Variants in RBM33 observed in about 807,000 individuals in gnomAD.
The protein encoded by RBM33 is RNA-binding protein 33.
A neutral mutation model predicts 132.6 loss-of-function variants in RBM33; 28 were observed. The ratio of observed to expected loss-of-function variants is 0.21; its 90% CI spans 0.16 to 0.29. The LOEUF (loss-of-function observed/expected upper bound fraction) is 0.29. Ranked by LOEUF, RBM33 falls within the 10% of genes least tolerant of loss-of-function variation. The probability of loss-of-function intolerance (pLI) is 1.00; values close to 1 mark genes in which losing one functional copy is unlikely to be tolerated. For missense variants in RBM33, 1,291 were observed against 1,518.5 expected (o/e 0.85, Z 2.49); for synonymous variants, 634 against 593.0 (o/e 1.07, Z -1.01).
At chr7:155,758,747 A>C (rs747231865) in intron 14 of RBM33, among the ~76,000 whole-genome samples, 41 of 152,164 alleles carry the variant, frequency 2.7e-4, no homozygotes, top group Non-Finnish European at 4.7e-4. Context: ...GGTAGTCGGC[A>C]TCACAAGACT....
chr7:155,718,927 A>T (rs1310020531), intron 9 of RBM33, among the ~76,000 whole-genome samples: 2 of 152,142 alleles, frequency 1.3e-5, no homozygotes, highest in Non-Finnish European at 1.5e-5. Flanking sequence ...TCACTTGAAA[A>T]TACCTTTAAA....
chr7:155,665,613 T>C lies in RBM33; in HGVS notation c.122+360T>C, dbSNP rs528919930. Among the ~76,000 whole-genome samples the C allele has an allele frequency of 2.0e-5, 3 of 152,208 alleles. No individual in the cohort carries two copies. In the South Asian group the frequency reaches 6.2e-4, roughly 32 times the overall value. ...CTGAATATCTGGCTACACTTTAACGTTTTTTCCATTCTAATATGTGTAGAT... is the reference window on the plus strand; with the variant it reads ...CTGAATATCTGGCTACACTTTAACGCTTTTTCCATTCTAATATGTGTAGAT... On this transcript the variant is annotated intron_variant, in intron 2 of 17. Coordinates refer to ENST00000401878, the MANE Select transcript of RBM33 (RefSeq NM_053043.3).
At chr7:155,761,171 A>G (rs1802025040) in intron 14 of RBM33, among the ~76,000 whole-genome samples, 1 of 152,150 alleles carries the variant, frequency 6.6e-6, no homozygotes, top group African/African-American at 2.4e-5. Flanking sequence ...TTACCTGGTC[A>G]TGAGGTGTGA....
At chr7:155,696,273 C>A (rs1025814649) in intron 5 of RBM33, among the ~76,000 whole-genome samples, 1 of 152,188 alleles carries the variant, frequency 6.6e-6, no homozygotes, top group African/African-American at 2.4e-5. Flanking sequence ...TGAATAACTA[C>A]TTAAAAGTCT....
intron 1 of RBM33, among the ~76,000 whole-genome samples, chr7:155,655,066 A>G (rs1798455101): frequency 6.6e-6 from 1 of 152,356 alleles, no homozygotes; most frequent in South Asian, 2.1e-4. Context: ...TTAAAAGTTT[A>G]AGGAAGAATA....
At chr7:155,760,704 A>G (rs1323675805) in intron 14 of RBM33, among the ~76,000 whole-genome samples, 3 of 152,224 alleles carry the variant, frequency 2.0e-5, no homozygotes, top group South Asian at 2.1e-4. Context: ...TAGTATAGAA[A>G]ATTTCAAGCA....
At position 155,777,799 on chromosome 7, in the gene RBM33, G is replaced by C. The variant is rs568051136; in HGVS notation, c.*2758G>C. ...TGTTGATGTGTTTGTGTGTATATTC[G>C]ATTTTTATAAAGATGGTAGTAAGTC... is the stretch of plus-strand genomic sequence containing the variant. On this transcript the variant is annotated 3_prime_UTR_variant, in exon 18 of 18. Transcript: ENST00000401878. 2 of 152,584 alleles carry C rather than the reference G, an allele frequency of 1.3e-5. No homozygotes were observed. The highest frequency in any genetic ancestry group is 2.9e-5 in the Non-Finnish European group (2 of 68,042). The allele number at this position is 152,584 out of a possible 1,614,324, so 9.5% of individuals were successfully genotyped here. A position where few individuals can be genotyped will look rare whatever the true frequency, so the allele number is the denominator to read the frequency against.
intron 8 of RBM33, among the ~76,000 whole-genome samples, chr7:155,715,731 C>T (rs910111528): frequency 7.9e-5 from 12 of 152,150 alleles, no homozygotes; most frequent in African/African-American, 2.2e-4. Flanking sequence ...GCAACACTTT[C>T]GAAGCAGTTG....
chr7:155,684,593 G>T (rs1697319638), intron 5 of RBM33, among the ~76,000 whole-genome samples: 1 of 152,196 alleles, frequency 6.6e-6, no homozygotes, highest in African/African-American at 2.4e-5. Flanking sequence ...CCCTTCTGCT[G>T]CTGAGCTCCT....
chr7:155,718,422 C>G lies in RBM33; in HGVS notation c.1239C>G (p.Ala413=). 6.2e-7 allele frequency: 1 copy of G among 1,613,820 alleles called. No homozygotes were observed. The highest frequency in any genetic ancestry group is 8.5e-7 in the Non-Finnish European group (1 of 1,179,828). Reference sequence around the variant, plus strand: ...CAGTTCCGAGCCAGCCGAGACCTGCCGTGGGACCCCAGAGATTCCCAGTGA... The same window carrying G: ...CAGTTCCGAGCCAGCCGAGACCTGCGGTGGGACCCCAGAGATTCCCAGTGA... The part of the protein sequence containing the change: ...LLPVPSQPRP[A]VGPQRFPGPP... Residue 413 remains alanine (A), a synonymous_variant, in exon 9 of 18, where the codon GCC becomes GCG. Coordinates refer to ENST00000401878, the MANE Select transcript of RBM33 (RefSeq NM_053043.3).
In RBM33 at chr7:155,776,940, T is replaced by C. The variant is rs1802631124; in HGVS notation, c.*1899T>C. 1 of 152,120 alleles carries C rather than the reference T, an allele frequency of 6.6e-6. No individual in the cohort carries two copies. 9.4% of individuals were successfully genotyped at this position (152,120 alleles called of 1,614,324 possible). ...GTGGTGACTTTGGTAGCCCTTGAGC[T>C]CTAATTAAGAGAGATCCAAACCACT... On this transcript the variant is annotated 3_prime_UTR_variant, in exon 18 of 18. Transcript: ENST00000401878. The surrounding 1 kb of genome is among the most constrained non-coding windows in gnomAD (Gnocchi z 4.0).
chr7:155,769,123 A>G (rs1442676099), intron 16 of RBM33, among the ~76,000 whole-genome samples: 1 of 152,230 alleles, frequency 6.6e-6, no homozygotes, highest in Non-Finnish European at 1.5e-5. Context: ...TGTCATAACC[A>G]GAAGATGGTC....
At chr7:155,705,021 A>G (rs998250680) in intron 6 of RBM33, among the ~76,000 whole-genome samples, 6 of 152,196 alleles carry the variant, frequency 3.9e-5, no homozygotes, top group African/African-American at 9.6e-5. Context: ...TGTGTATTCT[A>G]TATGTATTTC....
chr7:155,727,951 G>A (rs1217620008), intron 9 of RBM33, among the ~76,000 whole-genome samples: 1 of 151,842 alleles, frequency 6.6e-6, no homozygotes, highest in Non-Finnish European at 1.5e-5. Context: ...TACTTTTTTT[G>A]TAGAGATAGG....
intron 5 of RBM33, among the ~76,000 whole-genome samples, chr7:155,698,437 A>AATC (rs1307908031): frequency 6.6e-6 from 1 of 152,134 alleles, no homozygotes; most frequent in Non-Finnish European, 1.5e-5. Context: ...CCATATGGTG[A>AATC]AGGGGGATGG....
intron 9 of RBM33, among the ~76,000 whole-genome samples, chr7:155,728,725 G>A (rs1254383862): frequency 1.3e-5 from 2 of 152,162 alleles, no homozygotes; most frequent in African/African-American, 2.4e-5. Context: ...ACTTACATAT[G>A]TGATGATAAA....
chr7:155,710,097 G>A (rs577277488), intron 7 of RBM33, among the ~76,000 whole-genome samples: 2 of 152,104 alleles, frequency 1.3e-5, no homozygotes, highest in Non-Finnish European at 2.9e-5. Context: ...TATTATACGT[G>A]TTGTCTCTGT....
intron 6 of RBM33, among the ~76,000 whole-genome samples, chr7:155,702,314 C>G (rs1237223216): frequency 6.6e-6 from 1 of 152,176 alleles, no homozygotes. Flanking sequence ...TCTTAATTTA[C>G]TAGGCAAGAT....
rs1802824532 is a variant in RBM33, at chr7:155,781,262, A to G, written c.*6221A>G. 1 of 152,230 alleles carries G rather than the reference A, an allele frequency of 6.6e-6. No individual in the cohort carries two copies. Among genetic ancestry groups the G allele is most frequent in the African/African-American group, 2.4e-5 (1 of 41,434 alleles). 9.4% of individuals were successfully genotyped at this position (152,230 alleles called of 1,614,324 possible). On this transcript the variant is annotated 3_prime_UTR_variant, in exon 18 of 18. Coordinates refer to ENST00000401878, the MANE Select transcript of RBM33 (RefSeq NM_053043.3). ...GTTTTCTCCCAGACACACCACACCTACCTTGGGGGAATGCCGTTGCCTGTT... is the reference window on the plus strand; with the variant it reads ...GTTTTCTCCCAGACACACCACACCTGCCTTGGGGGAATGCCGTTGCCTGTT...
Sources: gnomAD v4.1 joint callset for allele counts (sites outside exome capture counted in the v4.1 genomes callset) on GRCh38, gnomAD v4.1.1 for gene constraint, Gnocchi (gnomAD v3.1) non-coding constraint, MANE v1.5 for transcripts, NCBI Gene and HGNC (gene_info 2026-07-23, HGNC 2026-07-21) for gene names.